Variants in RHPN2 observed in about 807,000 individuals in gnomAD.
RHPN2 encodes the protein rhophilin Rho GTPase binding protein 2, also known as rhophilin-2.
A neutral mutation model predicts 79.0 loss-of-function variants in RHPN2; 40 were observed. The ratio of observed to expected loss-of-function variants is 0.51; its 90% CI spans 0.39 to 0.66. The LOEUF is 0.66. RHPN2 is among the 30% of genes least tolerant of loss of function. The pLI, the probability that RHPN2 is intolerant of heterozygous loss-of-function variation, is 0.00. For missense variants in RHPN2, 686 were observed against 883.5 expected (o/e 0.78, Z 2.83); for synonymous variants, 285 against 363.5 (o/e 0.78, Z 2.46).
intron 2 of RHPN2, among the ~76,000 whole-genome samples, chr19:33,042,966 C>A (rs1262782317): frequency 6.6e-6 from 1 of 151,982 alleles, no homozygotes; most frequent in East Asian, 1.9e-4. Context: ...GTAATCCCAG[C>A]TACTGAGGAG....
Position 32,994,002 on chromosome 19 carries a change from G to T in RHPN2, c.1472C>A (p.Thr491Lys). ...CAGCTTCTGGAAGAAGTCCGTGACT[G>T]TCAGCTTGGAGAACTGGGGCAATAT... is the stretch of plus-strand genomic sequence containing the variant. ...DIILPQFSKLTVTDFFQKLGP... is the reference protein window; with the variant it reads ...DIILPQFSKLKVTDFFQKLGP... Residue 491 changes from threonine to lysine, a missense_variant, in exon 12 of 15, where the codon ACA becomes AAA. Thr to Lys is a moderately conservative substitution (Grantham distance 78). Transcript: ENST00000254260. 2 of 1,613,314 alleles carry T rather than the reference G, an allele frequency of 1.2e-6. No individual in the cohort carries two copies. Among genetic ancestry groups the T allele is most frequent in the South Asian group, 1.1e-5 (1 of 91,062 alleles).
At chr19:33,034,421 C>T (rs1168519693) in intron 2 of RHPN2, among the ~76,000 whole-genome samples, 3 of 151,754 alleles carry the variant, frequency 2.0e-5, no homozygotes, top group Non-Finnish European at 4.4e-5. Flanking sequence ...CTGGCTAACA[C>T]AGTGAAACCC....
chr19:33,040,231 CTTTTTTT>C (rs1007486362), intron 2 of RHPN2, among the ~76,000 whole-genome samples: 4 of 97,790 alleles, frequency 4.1e-5, no homozygotes, highest in East Asian at 3.2e-4. Flanking sequence ...GGCAACCTGC[CTTTTTTT>C]TTTTTTTTTT....
At chr19:32,997,489 C>CT (rs35958619) in intron 10 of RHPN2, among the ~76,000 whole-genome samples, 4 of 149,550 alleles carry the variant, frequency 2.7e-5, no homozygotes, top group South Asian at 2.1e-4. Context: ...CAGAGAAAGG[C>CT]TTTTTTTTTT....
At chr19:33,003,120 A>ATTAT in intron 7 of RHPN2, 120 bp from the exon 8 acceptor site, 2 of 858,058 alleles carry the variant, frequency 2.3e-6, no homozygotes, top group Non-Finnish European at 3.8e-6. Context: ...ACACTTTGGG[A>ATTAT]GGCCGAAGTG....
intron 13 of RHPN2, 76 bp downstream of exon 13, chr19:32,991,747 A>T (rs1377047104): frequency 6.3e-5 from 100 of 1,580,138 alleles, no homozygotes; most frequent in Non-Finnish European, 7.7e-5. Context: ...CAGGCCTTTG[A>T]CATGGGTGAA....
chr19:33,054,413 T>C (rs954553390), intron 1 of RHPN2, among the ~76,000 whole-genome samples: 4 of 151,960 alleles, frequency 2.6e-5, no homozygotes, highest in Admixed American at 6.6e-5. Flanking sequence ...TTGTCCAGGC[T>C]GGTCTCGAAC....
chr19:33,057,764 G>T (rs1225656229), intron 1 of RHPN2, among the ~76,000 whole-genome samples: 1 of 151,824 alleles, frequency 6.6e-6, no homozygotes, highest in Admixed American at 6.6e-5. Context: ...CAGACCAGGA[G>T]ATCTGTACTG....
At chr19:33,008,250 C>CT (rs71340517) in intron 6 of RHPN2, 70 bp from the exon 7 acceptor site, 187,979 of 1,071,874 alleles carry the variant, frequency 0.18, 2,719 homozygotes, top group South Asian at 0.21. Flanking sequence ...GGAAAAAATT[C>CT]TTTTTTTTTT....
At position 33,002,362 on chromosome 19, in the gene RHPN2, CTGGCTCA is replaced by C; in HGVS notation, c.983_989del (p.Met328ArgfsTer4). 6.2e-7 allele frequency: 1 copy of C among 1,613,962 alleles called. No individual in the cohort carries two copies. The highest frequency in any genetic ancestry group is 8.5e-7 in the Non-Finnish European group (1 of 1,179,874). On this transcript the variant is annotated frameshift_variant, in exon 9 of 15. Transcript: ENST00000254260. LOFTEE classifies it high-confidence loss of function. Reference sequence around the variant, plus strand: ...AGGGGATGTTCTCTTTCACCGGCGCCTGGCTCATGGCTGCGTGTAGCTGTTGGTAGAC... The same window carrying C: ...AGGGGATGTTCTCTTTCACCGGCGCCTGGCTGCGTGTAGCTGTTGGTAGAC...
intron 7 of RHPN2, among the ~76,000 whole-genome samples, chr19:33,007,784 C>T (rs923579578): frequency 2.0e-5 from 3 of 150,254 alleles, no homozygotes; most frequent in Non-Finnish European, 3.0e-5. Context: ...AGTCTGGCCT[C>T]GATCTCCTGA....
chr19:32,987,881 C>G (rs1279145744), intron 14 of RHPN2, among the ~76,000 whole-genome samples: 1 of 152,094 alleles, frequency 6.6e-6, no homozygotes, highest in South Asian at 2.1e-4. Context: ...CATTACCCAT[C>G]ATTATGAAAA....
At position 32,983,379 on chromosome 19, in the gene RHPN2, G is replaced by A. The variant is rs1477848515; in HGVS notation, c.1801-3123C>T. On this transcript the variant is annotated intron_variant, in intron 14 of 14. Coordinates refer to ENST00000254260, the MANE Select transcript of RHPN2 (RefSeq NM_033103.5). ...TACAAAAAATTAGCCGGGCGTGGTGGCGGGCACCTGTAGTCCCAGTTACTT... is the reference window on the plus strand; with the variant it reads ...TACAAAAAATTAGCCGGGCGTGGTGACGGGCACCTGTAGTCCCAGTTACTT... Among the ~76,000 whole-genome samples the A allele has an allele frequency of 9.9e-5, 15 of 152,048 alleles. No individual in the cohort carries two copies. The South Asian group carries it at 2.1e-3, about 21-fold the overall frequency.
At chr19:33,005,028 G>A (rs1971778926) in intron 7 of RHPN2, among the ~76,000 whole-genome samples, 1 of 151,386 alleles carries the variant, frequency 6.6e-6, no homozygotes, top group Admixed American at 6.6e-5. Context: ...GCAGACGGCA[G>A]GCAGAAGGAC....
chr19:32,994,778 A>G (rs547188576), intron 11 of RHPN2, among the ~76,000 whole-genome samples: 112 of 152,154 alleles, frequency 7.4e-4, no homozygotes, highest in East Asian at 4.3e-3. Flanking sequence ...CCTGGCCAAC[A>G]TGATGAAACC....
At chr19:33,019,306 A>G (rs1971904276) in intron 4 of RHPN2, among the ~76,000 whole-genome samples, 1 of 151,948 alleles carries the variant, frequency 6.6e-6, no homozygotes, top group East Asian at 2.0e-4. Context: ...TTAGCCAGGC[A>G]TGGTGGCTCA....
In RHPN2 at chr19:32,980,235, A is replaced by G. The variant is rs1255125353; in HGVS notation, c.1822T>C (p.Ser608Pro). 1 of 1,613,930 alleles carries G rather than the reference A, an allele frequency of 6.2e-7. No homozygotes were observed. Among genetic ancestry groups the G allele is most frequent in the Admixed American group, 1.7e-5 (1 of 59,988 alleles). ...GAGTACGTTTTCTGCATTCCCACGG[A>G]GTATGTGGCACTCTTATTATGCTGC... Reference protein sequence around the residue: ...SSMHNKSATYSVGMQKTYSMI... With the variant: ...SSMHNKSATYPVGMQKTYSMI... Residue 608 changes from serine to proline, a missense_variant, in exon 15 of 15, where the codon TCC (serine) becomes CCC (proline). Physicochemically the swap from Ser to Pro is moderately conservative, Grantham distance 74. Transcript: ENST00000254260.
intron 1 of RHPN2, among the ~76,000 whole-genome samples, chr19:33,054,627 C>T (rs1202918879): frequency 6.6e-6 from 1 of 152,170 alleles, no homozygotes; most frequent in African/African-American, 2.4e-5. Context: ...AGTGGGGAAC[C>T]TTGTCCTCAC....
chr19:33,015,112 G>T (rs565550937), intron 4 of RHPN2, among the ~76,000 whole-genome samples: 1 of 151,624 alleles, frequency 6.6e-6, no homozygotes, highest in African/African-American at 2.4e-5. Context: ...GTAGATTAAC[G>T]TACTTAGTGG....
Sources: allele counts gnomAD v4.1 joint callset (sites outside exome capture counted in the v4.1 genomes callset), GRCh38; gene constraint gnomAD v4.1.1; transcripts MANE v1.5; gene names NCBI Gene and HGNC (gene_info 2026-07-23, HGNC 2026-07-21).